BLZF1: variants seen among roughly 807,000 people sequenced by gnomAD.
The protein encoded by BLZF1 is basic leucine zipper nuclear factor 1, also known as golgin-45.
A neutral mutation model predicts 43.8 loss-of-function variants in BLZF1; 39 were observed. The ratio of observed to expected loss-of-function variants is 0.89; its 90% CI spans 0.69 to 1.16. BLZF1 has a LOEUF of 1.16. Ranked by LOEUF, BLZF1 falls within the 50% of genes most tolerant of loss-of-function variation. The pLI is 0.00. For missense variants in BLZF1, 449 were observed against 469.8 expected, an observed-to-expected ratio of 0.96 and a Z score of 0.41; for synonymous variants, 136 against 159.4, an observed-to-expected ratio of 0.85 and a Z score of 1.11.
At chr1:169,380,426 T>A in intron 4 of BLZF1, 55 bp from the exon 5 acceptor site, 1 of 1,517,692 alleles carries the variant, frequency 6.6e-7, no homozygotes. Context: ...ATATTCAATT[T>A]TTTACACTGT....
At chr1:169,378,869 C>A (rs2102013631) in intron 4 of BLZF1, among the ~76,000 whole-genome samples, 1 of 152,018 alleles carries the variant, frequency 6.6e-6, no homozygotes, top group East Asian at 1.9e-4. Context: ...TATTTGGACT[C>A]CCCAAGATAA....
At chr1:169,379,619 G>A (rs1654463774) in intron 4 of BLZF1, among the ~76,000 whole-genome samples, 1 of 151,956 alleles carries the variant, frequency 6.6e-6, no homozygotes, top group African/African-American at 2.4e-5. Context: ...TTTAATTGAT[G>A]TAATCTTCTA....
At chr1:169,394,903 C>G in intron 7 of BLZF1, 1 of 683,046 alleles carries the variant, frequency 1.5e-6, no homozygotes, top group South Asian at 2.8e-5. Flanking sequence ...TTATTTTGTT[C>G]TAGTATTAAA....
chr1:169,376,098 CTTATGATGT>C (rs1654332623), intron 2 of BLZF1, among the ~76,000 whole-genome samples: 1 of 152,014 alleles, frequency 6.6e-6, no homozygotes, highest in Non-Finnish European at 1.5e-5. Flanking sequence ...AGATGAATCT[CTTATGATGT>C]AGATGGTTTC....
chr1:169,385,984 C>G (rs933813741), intron 6 of BLZF1, among the ~76,000 whole-genome samples: 1 of 152,188 alleles, frequency 6.6e-6, no homozygotes, highest in East Asian at 1.9e-4. Context: ...GTACCATAAC[C>G]CAAACACATC....
At chr1:169,375,382 T>C (rs1391247124) in intron 2 of BLZF1, among the ~76,000 whole-genome samples, 1 of 120,374 alleles carries the variant, frequency 8.3e-6, no homozygotes, top group Non-Finnish European at 1.7e-5. Context: ...ATAAAACATA[T>C]ATATATAAAA....
intron 1 of BLZF1, among the ~76,000 whole-genome samples, chr1:169,368,843 A>G (rs1040809436): frequency 2.0e-5 from 3 of 152,154 alleles, no homozygotes; most frequent in Admixed American, 6.5e-5. Flanking sequence ...ACAGTTTGTC[A>G]TATTTATATC....
At chr1:169,370,804 G>T (rs1471727140) in intron 2 of BLZF1, among the ~76,000 whole-genome samples, 2 of 151,870 alleles carry the variant, frequency 1.3e-5, no homozygotes, top group African/African-American at 4.8e-5. Flanking sequence ...CTATATAAAT[G>T]ACTTCCAAAT....
At chr1:169,385,553 C>G (rs1259333848) in intron 6 of BLZF1, among the ~76,000 whole-genome samples, 1 of 152,176 alleles carries the variant, frequency 6.6e-6, no homozygotes, top group Non-Finnish European at 1.5e-5. Flanking sequence ...CTATAAAGAC[C>G]TATAATGTAA....
At chr1:169,377,227 G>A in intron 3 of BLZF1, 1 of 454,744 alleles carries the variant, frequency 2.2e-6, no homozygotes, top group Non-Finnish European at 3.9e-6. Flanking sequence ...CCACCAATAA[G>A]TTGTAAAAGT....
intron 2 of BLZF1, among the ~76,000 whole-genome samples, chr1:169,371,602 G>A (rs375591461): frequency 2.6e-5 from 4 of 152,276 alleles, no homozygotes; most frequent in Non-Finnish European, 4.4e-5. Context: ...AGATAAGTAC[G>A]GTTGTTTGGT....
rs867635119 is a variant in BLZF1, at chr1:169,376,965, C to A, written c.454C>A (p.Arg152Ser). The A allele has an allele frequency of 1.9e-5, 30 of 1,612,482 alleles. No homozygotes were observed. The highest frequency in any genetic ancestry group is 2.5e-5 in the Non-Finnish European group (30 of 1,179,168). ...QDKEGLSNQLRVQTEVNRELK... is the reference protein window; with the variant it reads ...QDKEGLSNQLSVQTEVNRELK... The stretch of plus-strand genomic sequence containing the variant: ...CAAAGAAGGTCTTTCAAACCAGCTC[C>A]GTGTACAGACAGAGGTAAGAAGAGC... The change falls in exon 3 of 7, where the codon CGT becomes AGT. Residue 152 changes from arginine (R) to serine (S), a missense_variant. Physicochemically the swap from Arg to Ser is moderately radical, Grantham distance 110. Transcript: ENST00000367808.
At chr1:169,378,586 G>T in intron 4 of BLZF1, 57 bp downstream of exon 4, 1 of 1,527,644 alleles carries the variant, frequency 6.5e-7, no homozygotes, top group Non-Finnish European at 9.0e-7. Flanking sequence ...TCAGGTTTTT[G>T]ATCTATAACA....
intron 2 of BLZF1, among the ~76,000 whole-genome samples, chr1:169,374,092 G>A (rs1654213719): frequency 6.6e-6 from 1 of 151,766 alleles, no homozygotes; most frequent in African/African-American, 2.4e-5. Flanking sequence ...GTAGCTGGGT[G>A]TGATGGCTCA....
At chr1:169,381,409 A>G (rs1027014760) in intron 5 of BLZF1, among the ~76,000 whole-genome samples, 1 of 152,134 alleles carries the variant, frequency 6.6e-6, no homozygotes, top group Non-Finnish European at 1.5e-5. Flanking sequence ...AATATTTTCC[A>G]GTAAAGGAAA....
At chr1:169,372,745 C>T (rs1051104895) in intron 2 of BLZF1, among the ~76,000 whole-genome samples, 1 of 152,062 alleles carries the variant, frequency 6.6e-6, no homozygotes, top group African/African-American at 2.4e-5. Context: ...GAGTACCTCT[C>T]ATCATAGATT....
intron 2 of BLZF1, among the ~76,000 whole-genome samples, chr1:169,375,393 C>CATATAT (rs58679820): frequency 0.069 from 5,862 of 85,202 alleles, 475 homozygotes; most frequent in South Asian, 0.11. Flanking sequence ...ATATATAAAA[C>CATATAT]ATATATATAT....
chr1:169,389,782 A>G (rs753863557), downstream of BLZF1, among the ~76,000 whole-genome samples: 16 of 152,366 alleles, frequency 1.1e-4, no homozygotes, highest in South Asian at 2.1e-4. Flanking sequence ...TAAGGAATGA[A>G]ATTTGATGCT....
intron 2 of BLZF1, among the ~76,000 whole-genome samples, chr1:169,370,716 TCTC>T (rs933398461): frequency 2.0e-5 from 3 of 152,172 alleles, no homozygotes; most frequent in African/African-American, 2.4e-5. Context: ...TTCAGCCTCT[TCTC>T]CTTCTTATTT....
Sources: allele counts gnomAD v4.1 joint callset (sites outside exome capture counted in the v4.1 genomes callset), GRCh38; gene constraint gnomAD v4.1.1; transcripts MANE v1.5; gene names NCBI Gene and HGNC (gene_info 2026-07-23, HGNC 2026-07-21).